Variants in SLA2 observed in about 807,000 individuals in gnomAD.
SLA2 encodes src-like-adapter 2.
Under a neutral mutation model 27.3 loss-of-function variants are expected in SLA2, and 22 were observed. That is an observed-to-expected ratio of 0.81 (90% CI 0.58 to 1.15). SLA2 has a LOEUF of 1.15. Ranked by LOEUF, SLA2 falls within the 50% of genes most tolerant of loss-of-function variation. The pLI, the probability that SLA2 is intolerant of heterozygous loss-of-function variation, is 0.00. For missense variants in SLA2, 304 were observed against 322.2 expected (o/e 0.94, Z 0.43); for synonymous variants, 131 against 137.8 (o/e 0.95, Z 0.34).
intron 5 of SLA2, among the ~76,000 whole-genome samples, chr20:36,618,397 C>T (rs1342083026): frequency 3.3e-5 from 5 of 151,428 alleles, no homozygotes; most frequent in African/African-American, 1.2e-4. Context: ...CCACCATGCC[C>T]GGCTATTTTT....
intron 5 of SLA2, among the ~76,000 whole-genome samples, chr20:36,631,648 T>C (rs1449599438): frequency 6.6e-6 from 1 of 152,180 alleles, no homozygotes; most frequent in Non-Finnish European, 1.5e-5. Context: ...GGCATCACTG[T>C]GGATCTCAAA....
At chr20:36,631,121 G>A (rs924450066) in intron 5 of SLA2, among the ~76,000 whole-genome samples, 2 of 152,164 alleles carry the variant, frequency 1.3e-5, no homozygotes, top group Non-Finnish European at 2.9e-5. Flanking sequence ...CAATGTGTTG[G>A]CTGAGCCTAG....
At chr20:36,622,922 A>T (rs1284423144) in intron 5 of SLA2, among the ~76,000 whole-genome samples, 6 of 152,060 alleles carry the variant, frequency 3.9e-5, no homozygotes, top group South Asian at 2.1e-4. Context: ...GTTGGGGGGG[A>T]TGATGATTCT....
intron 2 of SLA2, among the ~76,000 whole-genome samples, chr20:36,635,015 G>A (rs2039430541): frequency 6.6e-6 from 1 of 151,992 alleles, no homozygotes; most frequent in African/African-American, 2.4e-5. Flanking sequence ...TTTTTTAGTA[G>A]AGATGAGGTC....
rs749057080 is a variant in SLA2 at position 36,613,816 on chromosome 20, G to C, written c.*50C>G. 1.5e-6 allele frequency: 2 copies of C among 1,312,120 alleles called. No individual in the cohort carries two copies. Among genetic ancestry groups the C allele is most frequent in the South Asian group, 1.2e-5 (1 of 82,614 alleles). The allele number at this position is 1,312,120 out of a possible 1,614,324, so 81.3% of individuals were successfully genotyped here. A position where few individuals can be genotyped will look rare whatever the true frequency, so the allele number is the denominator to read the frequency against. On this transcript the variant is annotated 3_prime_UTR_variant, in exon 8 of 8. Transcript: ENST00000262866. ...TCTGGGGTGCCCAGGAGGCTGAATTGGGGTTCTAGGTGTGCAGCCTTGGTT... is the reference window on the plus strand; with the variant it reads ...TCTGGGGTGCCCAGGAGGCTGAATTCGGGTTCTAGGTGTGCAGCCTTGGTT...
chr20:36,636,611 G>GA (rs1185102769), intron 2 of SLA2, among the ~76,000 whole-genome samples: 1,431 of 73,938 alleles, frequency 0.019, 47 homozygotes, highest in African/African-American at 0.048. Flanking sequence ...ATCTCAAAAA[G>GA]AAAAAAAAAA....
In SLA2 at chr20:36,614,485, C is replaced by T. The variant is rs189075164; in HGVS notation, c.533-48G>A. 29 of 1,553,122 alleles carry T rather than the reference C, an allele frequency of 1.9e-5. No individual in the cohort carries two copies. The Admixed American group carries it at 4.0e-4, about 21-fold the overall frequency. ...TGACATGACTGACTCCACCCTACTT[C>T]TCCCCAACAGCCCTCACCCTGACAG... is the stretch of plus-strand genomic sequence containing the variant. On this transcript the variant is annotated intron_variant, in intron 6 of 7. Transcript: ENST00000262866.
intron 5 of SLA2, chr20:36,620,916 T>A: frequency 3.3e-6 from 1 of 302,846 alleles, no homozygotes; most frequent in Non-Finnish European, 6.6e-6. Context: ...AAAAAGGCCC[T>A]TACTAAATAA....
intron 2 of SLA2, among the ~76,000 whole-genome samples, chr20:36,639,511 T>C (rs1348313092): frequency 6.6e-6 from 1 of 152,036 alleles, no homozygotes. Context: ...TTGTGGTCTG[T>C]TTTGGGAGAA....
intron 5 of SLA2, among the ~76,000 whole-genome samples, chr20:36,630,537 G>A (rs182250226): frequency 6.6e-6 from 1 of 152,308 alleles, no homozygotes; most frequent in African/African-American, 2.4e-5. Context: ...CCTGGAGTGA[G>A]AGGAGGTGTG....
intron 4 of SLA2, 63 bp downstream of exon 4, chr20:36,633,480 G>A: frequency 7.3e-7 from 1 of 1,378,466 alleles, no homozygotes; most frequent in South Asian, 1.2e-5. Context: ...GTGCACAAAG[G>A]GGAGTTCTTG....
chr20:36,634,488 A>G lies in SLA2; in HGVS notation c.191+2T>C. ...TCAGGTATCCAGTGCCCATGGACTT[A>G]CTCAGAGACGATGGTCAATGGCTCC... On this transcript the variant is annotated splice_donor_variant, in intron 3 of 7. Coordinates refer to ENST00000262866, the MANE Select transcript of SLA2 (RefSeq NM_032214.4). LOFTEE classifies it high-confidence loss of function. 1.2e-6 allele frequency: 2 copies of G among 1,605,152 alleles called. No individual in the cohort carries two copies. Among genetic ancestry groups the G allele is most frequent in the Non-Finnish European group, 1.7e-6 (2 of 1,174,078 alleles).
At chr20:36,621,182 G>A (rs2039278528) in intron 5 of SLA2, 3 of 471,198 alleles carry the variant, frequency 6.4e-6, no homozygotes, top group Non-Finnish European at 1.2e-5. Flanking sequence ...GAAAACCAAG[G>A]TGGTGGATAT....
chr20:36,618,843 A>C, intron 5 of SLA2, among the ~76,000 whole-genome samples: 2 of 134,328 alleles, frequency 1.5e-5, no homozygotes. Flanking sequence ...GGCAGCGGAG[A>C]TTGCAGTGAG....
At chr20:36,620,380 C>CA (rs1838655866) in intron 5 of SLA2, 3 of 169,996 alleles carry the variant, frequency 1.8e-5, no homozygotes, top group Non-Finnish European at 3.7e-5. Context: ...GACTCTGTCT[C>CA]AAAAAAATAA....
rs2039185008 is a variant in SLA2 at position 36,614,550 on chromosome 20, G to GTGAT, written c.533-117_533-114dup. 3 of 1,486,384 alleles carry GTGAT rather than the reference G, an allele frequency of 2.0e-6. No homozygotes were observed. In the African/African-American group the frequency reaches 4.2e-5, roughly 21 times the overall value. The allele number at this position is 1,486,384 out of a possible 1,614,324, so 92.1% of individuals were successfully genotyped here. ...CAGGAGGGGGCATGGTTACCAAAGA[G>GTGAT]TGATAGGACATGAGCCCCAAGCTAT... On this transcript the variant is annotated intron_variant, in intron 6 of 7. Transcript: ENST00000262866.
At position 36,632,657 on chromosome 20, in the gene SLA2, A is replaced by G; in HGVS notation, c.320T>C (p.Leu107Pro). Residue 107 changes from leucine to proline, a missense_variant, in exon 5 of 8, where the codon CTG becomes CCG. Coordinates refer to ENST00000262866, the MANE Select transcript of SLA2 (RefSeq NM_032214.4). The part of the protein sequence containing the change: ...EGLSREKAEE[L>P]LLLPGNPGGA... ...TCCAGGGTTCCCAGGTAACAACAGC[A>G]GTTCCTCTGCTTTCTCCCTGCTCAG... 1 of 1,614,194 alleles carries G rather than the reference A, an allele frequency of 6.2e-7. No homozygotes were observed. The highest frequency in any genetic ancestry group is 8.5e-7 in the Non-Finnish European group (1 of 1,180,034).
At chr20:36,630,197 CTGCTG>C (rs1392257756) in intron 5 of SLA2, among the ~76,000 whole-genome samples, 2 of 152,194 alleles carry the variant, frequency 1.3e-5, no homozygotes, top group Admixed American at 6.5e-5. Flanking sequence ...CTGTTTGCAG[CTGCTG>C]TGCTGGGCTG....
At chr20:36,620,941 T>G in intron 5 of SLA2, 1 of 321,410 alleles carries the variant, frequency 3.1e-6, no homozygotes, top group Admixed American at 3.4e-5. Context: ...GGTAGCCTGC[T>G]GGATGGTAAG....
Sources: gnomAD v4.1 joint callset for allele counts (sites outside exome capture counted in the v4.1 genomes callset) on GRCh38, gnomAD v4.1.1 for gene constraint, MANE v1.5 for transcripts, NCBI Gene and HGNC (gene_info 2026-07-23, HGNC 2026-07-21) for gene names.